THSD7B: variants seen among roughly 807,000 people sequenced by gnomAD.
The protein encoded by THSD7B is thrombospondin type 1 domain containing 7B.
Under a neutral mutation model 213.6 loss-of-function variants are expected in THSD7B, and 138 were observed. The observed-to-expected ratio is 0.65, with a 90% confidence interval of 0.56 to 0.74. THSD7B has a LOEUF of 0.74. THSD7B is among the 30% of genes least tolerant of loss of function. The pLI, the probability that THSD7B is intolerant of heterozygous loss-of-function variation, is 0.00. For synonymous variants in THSD7B, 742 were observed against 687.0 expected (o/e 1.08, Z -1.25); for missense variants, 1,931 against 1,991.5 (o/e 0.97, Z 0.58).
At chr2:137,295,378 C>T (rs1256175007) in intron 12 of THSD7B, among the ~76,000 whole-genome samples, 1 of 152,124 alleles carries the variant, frequency 6.6e-6, no homozygotes, top group Non-Finnish European at 1.5e-5. Context: ...TATATGATTT[C>T]TATGGCAATT....
intron 15 of THSD7B, among the ~76,000 whole-genome samples, chr2:137,475,125 C>T (rs1688167466): frequency 6.6e-6 from 1 of 152,120 alleles, no homozygotes; most frequent in African/African-American, 2.4e-5. Flanking sequence ...AGTCTTTGTT[C>T]ATATGTACTT....
intron 19 of THSD7B, 112 bp downstream of exon 19, chr2:137,618,619 T>C: frequency 1.1e-6 from 1 of 932,014 alleles, no homozygotes; most frequent in Non-Finnish European, 1.6e-6. Flanking sequence ...TCATCTCAGC[T>C]TAGGTTCAGT....
At chr2:137,088,629 G>A (rs563345049) in intron 3 of THSD7B, among the ~76,000 whole-genome samples, 1 of 149,718 alleles carries the variant, frequency 6.7e-6, no homozygotes, top group South Asian at 2.1e-4. Flanking sequence ...AAAAATAGCT[G>A]GGACTTAATT....
rs142406154 is a variant in THSD7B at position 136,974,889 on chromosome 2, A to G, written c.140-81531A>G. 1.6e-3 allele frequency among the ~76,000 whole-genome samples: 239 copies of G among 152,284 alleles called. 1 individual carries two copies. Among genetic ancestry groups the G allele is most frequent in the African/African-American group, 5.7e-3 (235 of 41,574 alleles). On this transcript the variant is annotated intron_variant, in intron 2 of 27. Coordinates refer to ENST00000409968, the MANE Select transcript of THSD7B (RefSeq NM_001316349.2). ...GTTTCTTCACTGTTTAATAATTGCC[A>G]TTCTGACTGGCATGACATTATATTT... is the stretch of plus-strand genomic sequence containing the variant.
In THSD7B at chr2:137,095,684, T is replaced by C. The variant is rs557105980; in HGVS notation, c.1199+563T>C. Among the ~76,000 whole-genome samples the C allele has an allele frequency of 2.0e-4, 31 of 152,204 alleles. No individual in the cohort carries two copies. In the East Asian group the frequency reaches 5.2e-3, roughly 26 times the overall value. On this transcript the variant is annotated intron_variant, in intron 4 of 27. Transcript: ENST00000409968. ...AATATTCGAGAAAGGATTTAACATA[T>C]ATTAATAGCTACATTTTAACAGCAT...
Position 136,781,462 on chromosome 2 carries a change from C to T in THSD7B, c.-36+15775C>T, listed in dbSNP as rs540865584. On this transcript the variant is annotated intron_variant, in intron 1 of 27. Transcript: ENST00000409968. The stretch of plus-strand genomic sequence containing the variant: ...TTTTTTTTAAATTTTTTTAGAGACA[C>T]GGTTTCACCATGTTGGCCAGGCTGG... Among the ~76,000 whole-genome samples the T allele has an allele frequency of 2.5e-4, 38 of 151,058 alleles. 1 individual carries two copies. Among genetic ancestry groups the T allele is most frequent in the East Asian group, 2.3e-3 (12 of 5,110 alleles).
chr2:137,136,890 G>C (rs1174353111), intron 5 of THSD7B, among the ~76,000 whole-genome samples: 5 of 152,010 alleles, frequency 3.3e-5, no homozygotes, highest in Non-Finnish European at 7.4e-5. Context: ...GAAAATTATT[G>C]ACTATGTATT....
In THSD7B at chr2:137,308,242, G is replaced by A. The variant is rs116539863; in HGVS notation, c.2500+32216G>A. On this transcript the variant is annotated intron_variant, in intron 12 of 27. Transcript: ENST00000409968. ...TGGCTCTGCCCTATTTGAGGTCCAA[G>A]CAGAAAAGATCACCAGGAATAAGGG... Among the ~76,000 whole-genome samples, 570 of 152,066 alleles carry A rather than the reference G, an allele frequency of 3.7e-3. 7 individuals are homozygous for A. The highest frequency in any genetic ancestry group is 0.013 in the African/African-American group (553 of 41,500).
chr2:137,286,172 A>T (rs1327244123), intron 12 of THSD7B, among the ~76,000 whole-genome samples: 1 of 152,088 alleles, frequency 6.6e-6, no homozygotes, highest in Non-Finnish European at 1.5e-5. Context: ...TATAAAACAA[A>T]GGCAAGTAAG....
At chr2:137,280,927 T>C (rs10490733) in intron 12 of THSD7B, among the ~76,000 whole-genome samples, 25,252 of 152,076 alleles carry the variant, frequency 0.17, 2,562 homozygotes, top group East Asian at 0.48. Flanking sequence ...TAAAGCTGAC[T>C]TAATGGACTT....
chr2:137,662,522 C>T (rs1683370179), intron 25 of THSD7B, among the ~76,000 whole-genome samples: 1 of 152,038 alleles, frequency 6.6e-6, no homozygotes, highest in East Asian at 1.9e-4. Flanking sequence ...CCTTCTCCTG[C>T]CCTGCTTATG....
intron 7 of THSD7B, among the ~76,000 whole-genome samples, chr2:137,221,734 A>C (rs937670224): frequency 3.9e-5 from 6 of 152,202 alleles, no homozygotes; most frequent in African/African-American, 1.4e-4. Context: ...TACTTTTCCC[A>C]TGTACAGACA....
intron 12 of THSD7B, among the ~76,000 whole-genome samples, chr2:137,391,884 T>C (rs1051098134): frequency 1.3e-5 from 2 of 152,212 alleles, no homozygotes; most frequent in African/African-American, 4.8e-5. Context: ...CATTTAATGC[T>C]ACAGACTTCT....
At chr2:137,308,597 G>T (rs1211316716) in intron 12 of THSD7B, among the ~76,000 whole-genome samples, 1 of 151,766 alleles carries the variant, frequency 6.6e-6, no homozygotes, top group African/African-American at 2.4e-5. Flanking sequence ...TGTTTTATGT[G>T]TTTATATAAT....
At chr2:137,519,120 C>T (rs766888919) in intron 15 of THSD7B, among the ~76,000 whole-genome samples, 5 of 152,110 alleles carry the variant, frequency 3.3e-5, no homozygotes, top group East Asian at 1.9e-4. Context: ...GGTGTGGTGG[C>T]GTGCGCCTAT....
intron 21 of THSD7B, among the ~76,000 whole-genome samples, chr2:137,646,180 T>C (rs1184273781): frequency 6.6e-6 from 1 of 152,106 alleles, no homozygotes. Context: ...TAACCCCCAA[T>C]GTGATGGAAT....
At chr2:137,014,540 G>A (rs577666311) in intron 2 of THSD7B, among the ~76,000 whole-genome samples, 22 of 152,138 alleles carry the variant, frequency 1.4e-4, no homozygotes, top group Non-Finnish European at 2.9e-4. Context: ...GCATTCCTGT[G>A]TCTTGATGTT....
At chr2:136,897,778 G>T (rs188022805) in intron 2 of THSD7B, among the ~76,000 whole-genome samples, 2 of 151,842 alleles carry the variant, frequency 1.3e-5, no homozygotes, top group East Asian at 3.9e-4. Flanking sequence ...AGCGCTGATT[G>T]GTGCGCTTTT....
chr2:137,373,488 A>G (rs893766892), intron 12 of THSD7B, among the ~76,000 whole-genome samples: 5 of 152,114 alleles, frequency 3.3e-5, no homozygotes, highest in Admixed American at 3.3e-4. Flanking sequence ...TGGCTGCATA[A>G]ATGTCTTCTT....
Sources: allele counts gnomAD v4.1 joint callset (sites outside exome capture counted in the v4.1 genomes callset), GRCh38; gene constraint gnomAD v4.1.1; transcripts MANE v1.5; gene names NCBI Gene and HGNC (gene_info 2026-07-23, HGNC 2026-07-21).